The following FHIT variants were observed in gnomAD, a reference collection of about 807,000 sequenced individuals.
FHIT encodes the protein bis(5'-adenosyl)-triphosphatase.
FHIT carries 19 observed loss-of-function variants against 17.9 expected under a neutral mutation model. That is an observed-to-expected ratio of 1.06 (90% confidence interval 0.74 to 1.56). The LOEUF is 1.56. FHIT is among the 40% of genes most tolerant of loss of function. FHIT has a pLI of 0.00. For missense variants in FHIT, 248 were observed against 189.2 expected (o/e 1.31, Z -1.82); for synonymous variants, 81 against 69.7 (o/e 1.16, Z -0.81).
At chr3:60,012,671 A>G (rs1300562722) in intron 6 of FHIT, among the ~76,000 whole-genome samples, 2 of 152,156 alleles carry the variant, frequency 1.3e-5, no homozygotes, top group East Asian at 1.9e-4. Context: ...GCATATGCAT[A>G]TATTTCATAT....
rs535041404 is a variant in FHIT, at chr3:60,657,741, C to A, written c.-17-120762G>T. Among the ~76,000 whole-genome samples, 96 of 152,176 alleles carry A rather than the reference C, an allele frequency of 6.3e-4. 1 individual carries two copies. The highest frequency in any genetic ancestry group is 1.2e-3 in the Non-Finnish European group (83 of 68,002). On this transcript the variant is annotated intron_variant, in intron 4 of 9. Coordinates refer to ENST00000492590, the MANE Select transcript of FHIT (RefSeq NM_002012.4). ...CCTCTTAGACTGGTTTATCCAGAACCCTTCATCTTCAATATTGGATTACCC... is the reference window on the plus strand; with the variant it reads ...CCTCTTAGACTGGTTTATCCAGAACACTTCATCTTCAATATTGGATTACCC...
chr3:59,945,393 A>C (rs1022463930), intron 7 of FHIT, among the ~76,000 whole-genome samples: 7 of 152,058 alleles, frequency 4.6e-5, no homozygotes, highest in Non-Finnish European at 1.0e-4. Flanking sequence ...TAATTTATTT[A>C]AATTCCTTAT....
At chr3:61,203,525 C>T (rs1033871337) in intron 1 of FHIT, among the ~76,000 whole-genome samples, 1 of 151,870 alleles carries the variant, frequency 6.6e-6, no homozygotes, top group Admixed American at 6.6e-5. Context: ...GGGAATTTAT[C>T]CCAGAAGGAA....
intron 5 of FHIT, among the ~76,000 whole-genome samples, chr3:60,069,209 G>T (rs199951616): frequency 6.6e-6 from 1 of 152,152 alleles, no homozygotes; most frequent in African/African-American, 2.4e-5. Context: ...CTATGAAGAT[G>T]AACGAGGAAG....
At chr3:61,072,192 T>C (rs980134223) in intron 2 of FHIT, among the ~76,000 whole-genome samples, 1 of 152,158 alleles carries the variant, frequency 6.6e-6, no homozygotes, top group African/African-American at 2.4e-5. Context: ...TGCATTCCTA[T>C]CCGATAGTTA....
chr3:60,450,649 C>T (rs2031676139), intron 5 of FHIT, among the ~76,000 whole-genome samples: 1 of 152,064 alleles, frequency 6.6e-6, no homozygotes, highest in South Asian at 2.1e-4. Context: ...CAGAGAGTTC[C>T]AGTAATGCCA....
At chr3:60,862,956 C>T (rs72886285) in intron 3 of FHIT, among the ~76,000 whole-genome samples, 23 of 152,084 alleles carry the variant, frequency 1.5e-4, no homozygotes, top group Non-Finnish European at 2.4e-4. Flanking sequence ...ACTAGTCAAC[C>T]GACTTTAACA....
At chr3:60,661,134 G>A (rs1553691067) in intron 4 of FHIT, among the ~76,000 whole-genome samples, 1 of 151,990 alleles carries the variant, frequency 6.6e-6, no homozygotes, top group Non-Finnish European at 1.5e-5. Flanking sequence ...CATGGTTTCT[G>A]AGATTTTGGT....
intron 2 of FHIT, among the ~76,000 whole-genome samples, chr3:61,179,820 A>G (rs547747712): frequency 2.0e-5 from 3 of 151,648 alleles, no homozygotes; most frequent in East Asian, 3.9e-4. Context: ...GGAAGCAAGC[A>G]TGGTAGTGAG....
At chr3:61,090,654 G>A (rs2035452732) in intron 2 of FHIT, among the ~76,000 whole-genome samples, 1 of 152,190 alleles carries the variant, frequency 6.6e-6, no homozygotes, top group Non-Finnish European at 1.5e-5. Context: ...CTGTGAATGT[G>A]TGTGTGTAGA....
At chr3:60,444,388 T>C (rs543371590) in intron 5 of FHIT, among the ~76,000 whole-genome samples, 1 of 152,312 alleles carries the variant, frequency 6.6e-6, no homozygotes, top group Admixed American at 6.5e-5. Flanking sequence ...TAAAGACACG[T>C]GCACACGTAT....
intron 5 of FHIT, among the ~76,000 whole-genome samples, chr3:60,285,468 A>G (rs1000672302): frequency 1.1e-4 from 17 of 152,162 alleles, no homozygotes; most frequent in Admixed American, 2.6e-4. Flanking sequence ...AAAAATTATG[A>G]CATTTTCTTA....
intron 5 of FHIT, among the ~76,000 whole-genome samples, chr3:60,143,032 C>A (rs561043946): frequency 1.3e-5 from 2 of 152,210 alleles, no homozygotes; most frequent in Admixed American, 6.5e-5. Context: ...TTCTGGCATC[C>A]AACACAAGAA....
chr3:60,405,552 G>C (rs946939317), intron 5 of FHIT, among the ~76,000 whole-genome samples: 2 of 152,226 alleles, frequency 1.3e-5, no homozygotes, highest in African/African-American at 4.8e-5. Context: ...TTGGGAACCA[G>C]TGTGCAAGCC....
chr3:60,236,790 A>G (rs1427272891), intron 5 of FHIT, among the ~76,000 whole-genome samples: 1 of 152,138 alleles, frequency 6.6e-6, no homozygotes, highest in African/African-American at 2.4e-5. Flanking sequence ...AAACTCCCTT[A>G]TCACTCCTTT....
At chr3:60,215,606 A>G (rs1475281853) in intron 5 of FHIT, among the ~76,000 whole-genome samples, 1 of 152,188 alleles carries the variant, frequency 6.6e-6, no homozygotes, top group Non-Finnish European at 1.5e-5. Flanking sequence ...GAAGCATCAA[A>G]TGTGGATAGA....
chr3:60,598,266 TCAAAATAATTAGCAGGA>T (rs2038333667), intron 4 of FHIT, among the ~76,000 whole-genome samples: 1 of 152,084 alleles, frequency 6.6e-6, no homozygotes, highest in Non-Finnish European at 1.5e-5. Context: ...TAAAAATCCC[TCAAAATAATTAGCAGGA>T]AAGGTAGCGA....
chr3:60,379,489 C>A (rs1451060855), intron 5 of FHIT, among the ~76,000 whole-genome samples: 1 of 152,116 alleles, frequency 6.6e-6, no homozygotes. Context: ...TTTAGTAACA[C>A]TAACACTTCT....
chr3:60,219,531 C>G (rs1014577729), intron 5 of FHIT, among the ~76,000 whole-genome samples: 1 of 152,050 alleles, frequency 6.6e-6, no homozygotes, highest in Non-Finnish European at 1.5e-5. Context: ...GAGTAACGAA[C>G]TTTGAACATA....
Sources: allele counts gnomAD v4.1 joint callset (sites outside exome capture counted in the v4.1 genomes callset), GRCh38; gene constraint gnomAD v4.1.1; transcripts MANE v1.5; gene names NCBI Gene and HGNC (gene_info 2026-07-23, HGNC 2026-07-21).